Variants in VAV1 observed in about 807,000 individuals in gnomAD.
VAV1 encodes proto-oncogene vav.
VAV1 carries 33 observed loss-of-function variants against 128.1 expected under a neutral mutation model. The ratio of observed to expected loss-of-function variants is 0.26; its 90% confidence interval spans 0.20 to 0.34. VAV1 has a LOEUF of 0.34. VAV1 is among the 10% of genes least tolerant of loss of function. VAV1 has a pLI of 1.00. For synonymous variants in VAV1, 394 were observed against 409.8 expected, an observed-to-expected ratio of 0.96 and a Z score of 0.47; for missense variants, 715 against 1,093.7, an observed-to-expected ratio of 0.65 and a Z score of 4.88.
rs763157547 is a variant in VAV1, at chr19:6,828,787, C to T, written c.1180-28C>T. ...TGTCTGGCTCCTTTCTTGGGAGACC[C>T]TTGCTAGACCCCCTGCCTACTGCAT... is the stretch of plus-strand genomic sequence containing the variant. On this transcript the variant is annotated intron_variant, in intron 12 of 26. Coordinates refer to ENST00000602142, the MANE Select transcript of VAV1 (RefSeq NM_005428.4). The surrounding 1 kb of genome is among the most constrained non-coding windows in gnomAD (Gnocchi z 4.5). The T allele has an allele frequency of 1.2e-6, 2 of 1,614,082 alleles. No homozygotes were observed. The highest frequency in any genetic ancestry group is 3.3e-5 in the Admixed American group (2 of 60,014).
intron 21 of VAV1, among the ~76,000 whole-genome samples, chr19:6,839,520 G>A (rs1233948290): frequency 1.3e-5 from 2 of 151,274 alleles, no homozygotes; most frequent in African/African-American, 2.4e-5. Context: ...TGCCTGCCTC[G>A]GCCTCCCAAA....
intron 23 of VAV1, 103 bp downstream of exon 23, chr19:6,848,217 C>T (rs1972573560): frequency 9.5e-7 from 1 of 1,047,682 alleles, no homozygotes; most frequent in South Asian, 2.0e-5. Flanking sequence ...ACGGTAATAG[C>T]ATCCACCTTT....
chr19:6,838,955 T>G (rs1972299436), intron 21 of VAV1, among the ~76,000 whole-genome samples: 1 of 151,982 alleles, frequency 6.6e-6, no homozygotes, highest in Admixed American at 6.6e-5. Context: ...CAGGCTGGAG[T>G]GCAGTGGGGT....
intron 1 of VAV1, among the ~76,000 whole-genome samples, chr19:6,798,876 C>G (rs192127903): frequency 6.6e-6 from 1 of 152,208 alleles, no homozygotes; most frequent in East Asian, 1.9e-4. Context: ...TGGATCATAT[C>G]CATTGCCCCT....
rs1971908368 is a variant in VAV1, at chr19:6,826,023, A to G, written c.828-589A>G. On this transcript the variant is annotated intron_variant, in intron 8 of 26. Coordinates refer to ENST00000602142, the MANE Select transcript of VAV1 (RefSeq NM_005428.4). This position sits in a 1 kb window ranked among gnomAD's most constrained non-coding sequence, Gnocchi z 4.1. ...ATGCCACTGGACTCCAGCCTAGGCA[A>G]CAGAGCAAGACTCTGTCTCAGAAAT... Among the ~76,000 whole-genome samples, 1 of 150,612 alleles carries G rather than the reference A, an allele frequency of 6.6e-6. No homozygotes were observed. Among genetic ancestry groups the G allele is most frequent in the African/African-American group, 2.4e-5 (1 of 40,884 alleles).
At chr19:6,855,845 CCATT>C (rs1054523057) in intron 26 of VAV1, among the ~76,000 whole-genome samples, 1 of 143,612 alleles carries the variant, frequency 7.0e-6, no homozygotes, top group African/African-American at 2.7e-5. Flanking sequence ...ATCTATCTAT[CCATT>C]CATTATCTAT....
intron 21 of VAV1, 59 bp from the exon 22 acceptor site, chr19:6,843,076 C>A: frequency 6.4e-7 from 1 of 1,553,890 alleles, no homozygotes. Flanking sequence ...AAGTGCCCTG[C>A]CCTCTGCTGT....
At position 6,822,369 on chromosome 19, in the gene VAV1, C is replaced by T; in HGVS notation, c.558+40C>T. ...GGGTCGGGCCTGGGGAGGGCGTGGGCGGGGGGCAGCCCCAGGCCCCCCAAC... is the reference window on the plus strand; with the variant it reads ...GGGTCGGGCCTGGGGAGGGCGTGGGTGGGGGGCAGCCCCAGGCCCCCCAAC... On this transcript the variant is annotated intron_variant, in intron 5 of 26. Coordinates refer to ENST00000602142, the MANE Select transcript of VAV1 (RefSeq NM_005428.4). The surrounding 1 kb of genome is among the most constrained non-coding windows in gnomAD (Gnocchi z 5.9). The T allele has an allele frequency of 7.9e-6, 5 of 633,006 alleles. No individual in the cohort carries two copies. Among genetic ancestry groups the T allele is most frequent in the South Asian group, 3.0e-5 (2 of 67,670 alleles). 39.2% of individuals were successfully genotyped at this position (633,006 alleles called of 1,614,324 possible). A position where few individuals can be genotyped will look rare whatever the true frequency, so the allele number is the denominator to read the frequency against.
At position 6,820,472 on chromosome 19, in the gene VAV1, C is replaced by A. The variant is rs184720680; in HGVS notation, c.205-230C>A. ...TATGGATATACCACATTTGTTTAAC[C>A]GTTAGTGATTAATTTTATCTTTTGT... On this transcript the variant is annotated intron_variant, in intron 1 of 26. Coordinates refer to ENST00000602142, the MANE Select transcript of VAV1 (RefSeq NM_005428.4). The surrounding 1 kb of genome is among the most constrained non-coding windows in gnomAD (Gnocchi z 4.4). 6.6e-6 allele frequency among the ~76,000 whole-genome samples: 1 copy of A among 152,068 alleles called. No individual in the cohort carries two copies. The highest frequency in any genetic ancestry group is 2.1e-4 in the South Asian group (1 of 4,816).
chr19:6,787,517 C>T (rs1484207656), intron 1 of VAV1, among the ~76,000 whole-genome samples: 1 of 152,040 alleles, frequency 6.6e-6, no homozygotes, highest in Admixed American at 6.6e-5. Context: ...TGTTTTCCTC[C>T]ATCCTCAATC....
rs550288646 is a variant in VAV1 at position 6,842,869 on chromosome 19, C to A, written c.1981-266C>A. 1.7e-4 allele frequency among the ~76,000 whole-genome samples: 26 copies of A among 152,130 alleles called. No individual in the cohort carries two copies. In the East Asian group the frequency reaches 5.0e-3, roughly 29 times the overall value. On this transcript the variant is annotated intron_variant, in intron 21 of 26. Transcript: ENST00000602142. ...AAAAAATTCTTTTGATTTTTGCCAA[C>A]CATCTAAAAATGTAAAAACCATTCT...
intron 22 of VAV1, among the ~76,000 whole-genome samples, chr19:6,844,059 T>G (rs1411468342): frequency 7.4e-6 from 1 of 135,326 alleles, no homozygotes; most frequent in East Asian, 2.1e-4. Flanking sequence ...TTCTTCTTCT[T>G]CTTCTTTTTT....
rs1346083877 is a variant in VAV1, at chr19:6,829,767, G to T, written c.1266-19G>T. On this transcript the variant is annotated intron_variant, in intron 13 of 26. Transcript: ENST00000602142. ...CAGTTGGGAAGAGCCAGACAGGAAT[G>T]CGTTATCCATCCTTCCAGGTATGCC... The T allele has an allele frequency of 6.2e-7, 1 of 1,613,894 alleles. No homozygotes were observed. Among genetic ancestry groups the T allele is most frequent in the Non-Finnish European group, 8.5e-7 (1 of 1,179,840 alleles).
rs564184316 is a variant in VAV1, at chr19:6,839,337, A to G, written c.1980+2287A>G. On this transcript the variant is annotated intron_variant, in intron 21 of 26. Coordinates refer to ENST00000602142, the MANE Select transcript of VAV1 (RefSeq NM_005428.4). ...TTCTCTTTTTTCTTTTAAAAAATTG[A>G]GGTGAAATTTGCACAGCATAAAACT... 2.7e-4 allele frequency among the ~76,000 whole-genome samples: 41 copies of G among 151,922 alleles called. 1 individual carries two copies. In the South Asian group the frequency reaches 4.2e-3, roughly 15 times the overall value.
chr19:6,834,559 T>A (rs1053908876), intron 19 of VAV1, among the ~76,000 whole-genome samples: 21 of 147,820 alleles, frequency 1.4e-4, no homozygotes, highest in East Asian at 7.8e-4. Context: ...TTAAAAAATT[T>A]AAAAATATAT....
intron 1 of VAV1, among the ~76,000 whole-genome samples, chr19:6,800,982 G>A (rs1168114949): frequency 6.6e-6 from 1 of 152,162 alleles, no homozygotes; most frequent in African/African-American, 2.4e-5. Flanking sequence ...CCACCCCAAA[G>A]CCTTACCAGG....
chr19:6,848,251 C>T (rs1568317992), intron 23 of VAV1, 137 bp downstream of exon 23: 3 of 648,458 alleles, frequency 4.6e-6, no homozygotes, highest in South Asian at 7.2e-5. Context: ...CTGGTTCCCA[C>T]GTGCCTTTCA....
intron 1 of VAV1, among the ~76,000 whole-genome samples, chr19:6,807,826 A>G (rs996360762): frequency 1.3e-5 from 2 of 151,648 alleles, no homozygotes; most frequent in Non-Finnish European, 2.9e-5. Context: ...CCCCATCTCT[A>G]CTAAAAATAC....
chr19:6,804,794 G>A (rs1341320114), intron 1 of VAV1, among the ~76,000 whole-genome samples: 4 of 150,612 alleles, frequency 2.7e-5, no homozygotes, highest in Non-Finnish European at 5.9e-5. Flanking sequence ...CGCAATCTTG[G>A]CTCACTGCAA....
Sources: allele counts gnomAD v4.1 joint callset (sites outside exome capture counted in the v4.1 genomes callset), GRCh38; gene constraint gnomAD v4.1.1; non-coding constraint Gnocchi (gnomAD v3.1); transcripts MANE v1.5; gene names NCBI Gene and HGNC (gene_info 2026-07-23, HGNC 2026-07-21).